Variants in BCL7A observed in about 807,000 individuals in gnomAD.
BCL7A encodes B-cell CLL/lymphoma 7 protein family member A.
In BCL7A, 11 loss-of-function variants were observed where a neutral mutation model predicts 28.4. The observed-to-expected ratio is 0.39, with a 90% CI of 0.24 to 0.64. The LOEUF (loss-of-function observed/expected upper bound fraction) is 0.64, where lower values mean the gene tolerates loss of function less well. BCL7A is among the 30% of genes least tolerant of loss of function. The pLI, the probability that BCL7A is intolerant of heterozygous loss-of-function variation, is 0.50. For synonymous variants in BCL7A, 123 were observed against 103.3 expected (o/e 1.19, Z -1.15); for missense variants, 222 against 274.8 (o/e 0.81, Z 1.36).
chr12:122,040,469 T>C (rs749100309), intron 3 of BCL7A, among the ~76,000 whole-genome samples: 2 of 149,272 alleles, frequency 1.3e-5, no homozygotes, highest in Non-Finnish European at 3.0e-5. Flanking sequence ...GAAGGGGAGG[T>C]TGCAGTGAGC....
Position 122,061,577 on chromosome 12 carries a change from C to T in BCL7A, c.*2414C>T, listed in dbSNP as rs1293036316. 8 of 221,648 alleles carry T rather than the reference C, an allele frequency of 3.6e-5. No individual in the cohort carries two copies. Among genetic ancestry groups the T allele is most frequent in the Admixed American group, 3.5e-4 (6 of 17,238 alleles). 13.7% of individuals were successfully genotyped at this position (221,648 alleles called of 1,614,324 possible). A position where few individuals can be genotyped will look rare whatever the true frequency, so the allele number is the denominator to read the frequency against. On this transcript the variant is annotated 3_prime_UTR_variant, in exon 6 of 6. Coordinates refer to ENST00000261822, the MANE Select transcript of BCL7A (RefSeq NM_001024808.3). ...TGCCCCCCACCCACCCTGCACCCCTCGCCCTCCCCCCACCACAGAATCTAA... is the reference window on the plus strand; with the variant it reads ...TGCCCCCCACCCACCCTGCACCCCTTGCCCTCCCCCCACCACAGAATCTAA...
At chr12:122,032,398 G>A (rs962737681) in intron 2 of BCL7A, among the ~76,000 whole-genome samples, 6 of 152,234 alleles carry the variant, frequency 3.9e-5, no homozygotes, top group Non-Finnish European at 7.3e-5. Context: ...TGCCTTGCCC[G>A]CCATTAGGTG....
intron 5 of BCL7A, among the ~76,000 whole-genome samples, chr12:122,056,399 C>T (rs1951878531): frequency 6.6e-6 from 1 of 152,148 alleles, no homozygotes; most frequent in Admixed American, 6.5e-5. Flanking sequence ...AATTGGGCCT[C>T]TTCCACCATT....
intron 4 of BCL7A, among the ~76,000 whole-genome samples, chr12:122,054,330 G>A (rs1166044955): frequency 6.6e-6 from 1 of 152,090 alleles, no homozygotes; most frequent in Admixed American, 6.6e-5. Flanking sequence ...CTCGTGATCC[G>A]CCAGCCTCGG....
At chr12:122,024,057 T>A (rs574711754) in intron 1 of BCL7A, among the ~76,000 whole-genome samples, 2 of 152,078 alleles carry the variant, frequency 1.3e-5, no homozygotes, top group Admixed American at 6.5e-5. Context: ...GATGGAGAGA[T>A]GGGGCTTCCC....
chr12:122,040,984 G>T (rs1883954921), intron 3 of BCL7A, among the ~76,000 whole-genome samples: 1 of 151,992 alleles, frequency 6.6e-6, no homozygotes, highest in African/African-American at 2.4e-5. Context: ...AGGAAGTCTA[G>T]TTTTTCTCAA....
At chr12:122,057,930 C>T (rs1037392405) in intron 5 of BCL7A, among the ~76,000 whole-genome samples, 2 of 152,068 alleles carry the variant, frequency 1.3e-5, no homozygotes, top group Non-Finnish European at 2.9e-5. Flanking sequence ...TGGCTCACAC[C>T]TGTAATCCAA....
chr12:122,041,123 G>T (rs1031520627), intron 3 of BCL7A, among the ~76,000 whole-genome samples: 1 of 152,068 alleles, frequency 6.6e-6, no homozygotes, highest in Non-Finnish European at 1.5e-5. Context: ...GTGTGGGGCC[G>T]CCTGACTGCC....
At chr12:122,042,606 C>T (rs1418716234) in intron 3 of BCL7A, among the ~76,000 whole-genome samples, 2 of 149,794 alleles carry the variant, frequency 1.3e-5, no homozygotes, top group African/African-American at 2.5e-5. Context: ...GCCCAGATCG[C>T]GCCATTGCAC....
Position 122,021,954 on chromosome 12 carries a change from G to A in BCL7A, c.-138G>A. ...TATGTGTGTGTGTGTGTGTGTGTGT[G>A]TGTGAGTGTGTGCGTGTGAGAGTGC... On this transcript the variant is annotated 5_prime_UTR_variant, in exon 1 of 6. In the 5' UTR this introduces an upstream ATG that the reference lacks. Coordinates refer to ENST00000261822, the MANE Select transcript of BCL7A (RefSeq NM_001024808.3). The A allele has an allele frequency of 1.6e-6, 1 of 610,566 alleles. No individual in the cohort carries two copies. Among genetic ancestry groups the A allele is most frequent in the Non-Finnish European group, 2.9e-6 (1 of 343,542 alleles). 37.8% of individuals were successfully genotyped at this position (610,566 alleles called of 1,614,324 possible).
rs773380784 is a variant in BCL7A, at chr12:122,059,195, A to G, written c.*32A>G. The G allele has an allele frequency of 4.4e-5, 70 of 1,578,480 alleles. No individual in the cohort carries two copies. The South Asian group carries it at 7.8e-4, about 17-fold the overall frequency. On this transcript the variant is annotated 3_prime_UTR_variant, in exon 6 of 6. Transcript: ENST00000261822. The surrounding 1 kb of genome is among the most constrained non-coding windows in gnomAD (Gnocchi z 4.0). ...CTTTAAAGCCTCCGATCCATGTTCC[A>G]TGGAAGGTACATCAGCAATTAATTC...
intron 1 of BCL7A, among the ~76,000 whole-genome samples, chr12:122,023,941 G>T (rs1167030201): frequency 1.3e-5 from 2 of 152,206 alleles, no homozygotes; most frequent in Non-Finnish European, 2.9e-5. Flanking sequence ...TTCTCTGCTC[G>T]AGGAGGCGTG....
At chr12:122,051,340 G>A (rs1161699248) in intron 4 of BCL7A, among the ~76,000 whole-genome samples, 2 of 152,202 alleles carry the variant, frequency 1.3e-5, no homozygotes, top group African/African-American at 4.8e-5. Flanking sequence ...AGGTGGGTGC[G>A]TGCTGTCTGC....
chr12:122,028,715 A>T (rs1391103920), intron 1 of BCL7A, among the ~76,000 whole-genome samples: 1 of 152,168 alleles, frequency 6.6e-6, no homozygotes, highest in Non-Finnish European at 1.5e-5. Context: ...CTGTTTCTGC[A>T]TCTGTAAAAA....
At chr12:122,043,164 C>G (rs1037688834) in intron 3 of BCL7A, among the ~76,000 whole-genome samples, 104 of 152,062 alleles carry the variant, frequency 6.8e-4, no homozygotes, top group Admixed American at 5.9e-4. Flanking sequence ...CCTTGGCAAT[C>G]CCGCCTCACG....
intron 1 of BCL7A, among the ~76,000 whole-genome samples, chr12:122,028,219 G>A (rs146071335): frequency 2.6e-4 from 40 of 152,274 alleles, no homozygotes; most frequent in African/African-American, 9.4e-4. Flanking sequence ...TTGAGAACTC[G>A]GTGAAGAGGT....
At chr12:122,023,945 A>G (rs560786857) in intron 1 of BCL7A, among the ~76,000 whole-genome samples, 1 of 152,178 alleles carries the variant, frequency 6.6e-6, no homozygotes, top group East Asian at 1.9e-4. Flanking sequence ...CTGCTCGAGG[A>G]GGCGTGGTGG....
rs1217889754 is a variant in BCL7A, at chr12:122,021,943, T to TGAGA, written c.-148_-147insAGAG. 1 of 572,292 alleles carries TGAGA rather than the reference T, an allele frequency of 1.7e-6. No individual in the cohort carries two copies. Among genetic ancestry groups the TGAGA allele is most frequent in the Non-Finnish European group, 3.1e-6 (1 of 321,500 alleles). 35.5% of individuals were successfully genotyped at this position (572,292 alleles called of 1,614,324 possible). On this transcript the variant is annotated 5_prime_UTR_variant, in exon 1 of 6. It removes the in-frame stop codon of an upstream open reading frame in the 5' UTR. Coordinates refer to ENST00000261822, the MANE Select transcript of BCL7A (RefSeq NM_001024808.3). ...GTGTGTGTGTGTATGTGTGTGTGTGTGTGTGTGTGTGTGTGAGTGTGTGCG... is the reference window on the plus strand; with the variant it reads ...GTGTGTGTGTGTATGTGTGTGTGTGTGAGAGTGTGTGTGTGTGTGAGTGTGTGCG...
intron 3 of BCL7A, among the ~76,000 whole-genome samples, chr12:122,036,265 C>T (rs1344525727): frequency 2.6e-5 from 4 of 152,100 alleles, no homozygotes; most frequent in Admixed American, 2.6e-4. Flanking sequence ...GTACAGGAAA[C>T]ACGCACCTGT....
Sources: gnomAD v4.1 joint callset for allele counts (sites outside exome capture counted in the v4.1 genomes callset) on GRCh38, gnomAD v4.1.1 for gene constraint, Gnocchi (gnomAD v3.1) non-coding constraint, MANE v1.5 for transcripts, NCBI Gene and HGNC (gene_info 2026-07-23, HGNC 2026-07-21) for gene names.